The following STK39 variants were observed in gnomAD, a reference collection of about 807,000 sequenced individuals.
The protein encoded by STK39 is STE20/SPS1-related proline-alanine-rich protein kinase.
A neutral mutation model predicts 77.8 loss-of-function variants in STK39; 20 were observed. That is an observed-to-expected ratio of 0.26 (90% CI 0.18 to 0.37). The LOEUF (loss-of-function observed/expected upper bound fraction) is 0.37. Ranked by LOEUF, STK39 falls within the 10% of genes least tolerant of loss-of-function variation. The pLI is 1.00. For missense variants in STK39, 479 were observed against 656.5 expected (o/e 0.73, Z 2.95); for synonymous variants, 246 against 234.1 (o/e 1.05, Z -0.47).
chr2:168,235,004 A>T (rs1032101232), intron 1 of STK39, among the ~76,000 whole-genome samples: 8 of 151,070 alleles, frequency 5.3e-5, no homozygotes, highest in Non-Finnish European at 8.8e-5. Context: ...AAAAAAAAAA[A>T]TTTTAGTAGT....
intron 1 of STK39, among the ~76,000 whole-genome samples, chr2:168,234,980 C>A (rs1269264260): frequency 4.0e-5 from 6 of 149,960 alleles, no homozygotes; most frequent in Non-Finnish European, 8.9e-5. Flanking sequence ...TAGTAAGATT[C>A]CATCTCTAAC....
intron 1 of STK39, among the ~76,000 whole-genome samples, chr2:168,207,099 A>G (rs752154264): frequency 9.2e-5 from 14 of 152,234 alleles, no homozygotes; most frequent in Non-Finnish European, 2.1e-4. Context: ...GCAGCTGAGC[A>G]TAAAGATATG....
At chr2:168,207,307 G>A (rs1316284760) in intron 1 of STK39, among the ~76,000 whole-genome samples, 1 of 152,126 alleles carries the variant, frequency 6.6e-6, no homozygotes, top group Non-Finnish European at 1.5e-5. Context: ...ACACCCTAAC[G>A]AGGGAAGTAA....
chr2:168,210,303 A>T (rs549483811), intron 1 of STK39, among the ~76,000 whole-genome samples: 2 of 152,218 alleles, frequency 1.3e-5, no homozygotes, highest in Non-Finnish European at 2.9e-5. Context: ...CAATGCAAAT[A>T]TCAAAAGTTC....
chr2:168,039,257 C>A (rs1685039245), intron 14 of STK39, among the ~76,000 whole-genome samples: 1 of 152,104 alleles, frequency 6.6e-6, no homozygotes, highest in South Asian at 2.1e-4. Context: ...CAAATGAATA[C>A]ATATAAAAGT....
intron 15 of STK39, among the ~76,000 whole-genome samples, chr2:168,013,154 C>T (rs72885790): frequency 0.059 from 8,911 of 152,274 alleles, 423 homozygotes; most frequent in East Asian, 0.18. Flanking sequence ...TTTGTACAAA[C>T]AGCCTATGAG....
chr2:168,051,478 A>G (rs1685392997), intron 14 of STK39, among the ~76,000 whole-genome samples: 2 of 152,346 alleles, frequency 1.3e-5, no homozygotes, highest in Admixed American at 6.5e-5. Context: ...TAAAAGGCTC[A>G]TGAGAAAGAA....
chr2:168,059,762 A>C (rs764538403), intron 14 of STK39, among the ~76,000 whole-genome samples: 8 of 152,224 alleles, frequency 5.3e-5, no homozygotes, highest in Non-Finnish European at 1.0e-4. Context: ...ACAGCAACAG[A>C]AATCTAATAT....
chr2:168,164,855 C>T (rs1009198671), intron 3 of STK39, among the ~76,000 whole-genome samples: 1 of 152,150 alleles, frequency 6.6e-6, no homozygotes, highest in Non-Finnish European at 1.5e-5. Flanking sequence ...ATTCCAAACC[C>T]CTGGGTCAGT....
At chr2:168,247,074 A>T (rs966640168) in intron 1 of STK39, among the ~76,000 whole-genome samples, 154 bp downstream of exon 1, 15 of 146,126 alleles carry the variant, frequency 1.0e-4, no homozygotes, top group Admixed American at 2.0e-4. Context: ...AAAAAAAAAA[A>T]AAAAAAAAAA....
At chr2:168,120,438 G>A (rs964870252) in intron 10 of STK39, among the ~76,000 whole-genome samples, 4 of 152,132 alleles carry the variant, frequency 2.6e-5, no homozygotes, top group East Asian at 1.9e-4. Context: ...GTCTTGTGAC[G>A]TTTGTGCGTT....
chr2:168,142,775 G>A (rs189130844), intron 5 of STK39, among the ~76,000 whole-genome samples: 155 of 152,220 alleles, frequency 1.0e-3, no homozygotes, highest in African/African-American at 3.3e-3. Context: ...AAAAATTTCA[G>A]GAGCAGAAAA....
At chr2:168,159,376 C>T (rs372371374) in intron 5 of STK39, among the ~76,000 whole-genome samples, 12 of 152,090 alleles carry the variant, frequency 7.9e-5, no homozygotes, top group African/African-American at 2.9e-4. Context: ...CCCCCGATCT[C>T]GCCTGTTTCA....
At chr2:168,065,891 A>G (rs1685780415) in intron 12 of STK39, among the ~76,000 whole-genome samples, 1 of 152,180 alleles carries the variant, frequency 6.6e-6, no homozygotes, top group African/African-American at 2.4e-5. Context: ...AAAGATATTA[A>G]TGCTAAAGTG....
intron 14 of STK39, among the ~76,000 whole-genome samples, chr2:168,040,275 A>G (rs568249770): frequency 6.6e-6 from 1 of 152,378 alleles, no homozygotes; most frequent in East Asian, 1.9e-4. Context: ...AACTAACCAC[A>G]AAAGGGCTGA....
intron 5 of STK39, among the ~76,000 whole-genome samples, chr2:168,155,569 C>T (rs76612514): frequency 1.3e-5 from 2 of 151,708 alleles, no homozygotes; most frequent in Admixed American, 1.3e-4. Flanking sequence ...GCACCCCCCC[C>T]ACCCCAACAG....
At chr2:168,190,067 CT>C (rs1689302201) in intron 1 of STK39, among the ~76,000 whole-genome samples, 2 of 152,222 alleles carry the variant, frequency 1.3e-5, no homozygotes, top group African/African-American at 2.4e-5. Context: ...GGCAGGGACT[CT>C]CTACCTACTT....
intron 16 of STK39, among the ~76,000 whole-genome samples, chr2:167,992,673 A>C (rs531488492): frequency 6.6e-6 from 1 of 152,304 alleles, no homozygotes; most frequent in South Asian, 2.1e-4. Flanking sequence ...GTTTTTCACA[A>C]TTTGAGATTT....
At chr2:168,057,232 G>A (rs60704283) in intron 14 of STK39, among the ~76,000 whole-genome samples, 4,156 of 152,080 alleles carry the variant, frequency 0.027, 196 homozygotes, top group African/African-American at 0.095. Flanking sequence ...TCGCTCTGTC[G>A]CCCAGGCTAG....
Sources: allele counts gnomAD v4.1 joint callset (sites outside exome capture counted in the v4.1 genomes callset), GRCh38; gene constraint gnomAD v4.1.1; transcripts MANE v1.5; gene names NCBI Gene and HGNC (gene_info 2026-07-23, HGNC 2026-07-21).